NDUFAF6: variants seen among roughly 807,000 people sequenced by gnomAD.
The protein encoded by NDUFAF6 is NADH:ubiquinone oxidoreductase complex assembly factor 6.
Under a neutral mutation model 40.8 loss-of-function variants are expected in NDUFAF6, and 45 were observed. The ratio of observed to expected loss-of-function variants is 1.10; its 90% CI spans 0.87 to 1.42. The LOEUF is 1.42. Among genes scored for constraint, NDUFAF6 ranks in the 40% most tolerant of loss-of-function variants. The pLI is 0.00. For synonymous variants in NDUFAF6, 185 were observed against 155.9 expected (o/e 1.19, Z -1.39); for missense variants, 435 against 418.5 (o/e 1.04, Z -0.34).
chr8:94,966,403 G>C (rs1824016383), intron 1 of NDUFAF6, among the ~76,000 whole-genome samples: 1 of 152,086 alleles, frequency 6.6e-6, no homozygotes, highest in Non-Finnish European at 1.5e-5. Flanking sequence ...AGACCAGCCT[G>C]AGCTACATGG....
intron 2 of NDUFAF6, among the ~76,000 whole-genome samples, chr8:94,991,835 C>T (rs796296324): frequency 2.2e-5 from 3 of 134,348 alleles, no homozygotes; most frequent in South Asian, 2.8e-4. Flanking sequence ...GCACGAGATT[C>T]CATTGTGTGG....
rs1824631438 is a variant in NDUFAF6 at position 94,973,404 on chromosome 8, T to G, written c.-198-7455T>G. 4.6e-5 allele frequency among the ~76,000 whole-genome samples: 7 copies of G among 152,140 alleles called. No homozygotes were observed. The South Asian group carries it at 1.2e-3, about 27-fold the overall frequency. Reference sequence around the variant, plus strand: ...AGGACATAGTGAGAAGATGCCCAACTATGAATCAGAAAGTGACCTTTGGGC... The same window carrying G: ...AGGACATAGTGAGAAGATGCCCAACGATGAATCAGAAAGTGACCTTTGGGC... On this transcript the variant is annotated intron_variant, in intron 1 of 9. Coordinates refer to the NDUFAF6 transcript ENST00000396111.
chr8:94,935,128 T>TATAGGTAG (rs1820838881), intron 1 of NDUFAF6, among the ~76,000 whole-genome samples: 1 of 144,640 alleles, frequency 6.9e-6, no homozygotes, highest in South Asian at 2.3e-4. Flanking sequence ...GGTAGATAGA[T>TATAGGTAG]ATAGATAGAT....
At chr8:94,976,203 A>AC in intron 1 of NDUFAF6, among the ~76,000 whole-genome samples, 1 of 83,534 alleles carries the variant, frequency 1.2e-5, no homozygotes, top group East Asian at 3.4e-4. Flanking sequence ...TCAAAAAAAA[A>AC]AAAAAAATAC....
At chr8:95,082,097 T>G (rs1233574941) in intron 2 of NDUFAF6, among the ~76,000 whole-genome samples, 1 of 151,986 alleles carries the variant, frequency 6.6e-6, no homozygotes. Flanking sequence ...AAACTCCTGT[T>G]GTTAAAATCT....
chr8:95,085,851 C>T lies in NDUFAF6; in HGVS notation n.213+10099C>T, dbSNP rs185051752. 3.8e-4 allele frequency among the ~76,000 whole-genome samples: 58 copies of T among 152,202 alleles called. 1 individual carries two copies. Among genetic ancestry groups the T allele is most frequent in the Admixed American group, 3.7e-3 (57 of 15,288 alleles). ...CACATATCTGGTTCTGCAGGTTCTG[C>T]GGATTAGGGATGGGGCTTTATTAAT... On this transcript the variant is annotated intron_variant and non_coding_transcript_variant, in intron 2 of 5. Transcript: ENST00000523184.
intron 2 of NDUFAF6, among the ~76,000 whole-genome samples, chr8:95,015,219 C>T (rs916779490): frequency 5.3e-5 from 8 of 152,086 alleles, no homozygotes; most frequent in Non-Finnish European, 1.0e-4. Flanking sequence ...CAGTGTACAA[C>T]CTGAGAGGCC....
downstream of NDUFAF6, among the ~76,000 whole-genome samples, chr8:95,062,137 G>C (rs1356926146): frequency 1.3e-5 from 2 of 151,660 alleles, no homozygotes; most frequent in East Asian, 3.9e-4. Context: ...CTGCAGCCTG[G>C]GCGACAGAGA....
At chr8:95,093,394 C>G (rs1309826558) in intron 2 of NDUFAF6, among the ~76,000 whole-genome samples, 2 of 152,112 alleles carry the variant, frequency 1.3e-5, no homozygotes, top group East Asian at 1.9e-4. Context: ...TCTCATTGCC[C>G]CTTGAGCTAA....
chr8:95,066,382 T>C (rs1832705578), intron 9 of NDUFAF6, among the ~76,000 whole-genome samples: 1 of 149,862 alleles, frequency 6.7e-6, no homozygotes, highest in Non-Finnish European at 1.5e-5. Context: ...CTCAAAGTGC[T>C]GGCATTATGG....
At chr8:95,042,361 T>C (rs1372102796) in intron 4 of NDUFAF6, among the ~76,000 whole-genome samples, 1 of 152,232 alleles carries the variant, frequency 6.6e-6, no homozygotes, top group African/African-American at 2.4e-5. Flanking sequence ...ATTTAGATAG[T>C]TTGCTAACTA....
intron 2 of NDUFAF6, among the ~76,000 whole-genome samples, chr8:95,019,378 A>G (rs964055517): frequency 2.6e-5 from 4 of 152,230 alleles, no homozygotes; most frequent in Admixed American, 1.3e-4. Flanking sequence ...GTAATTAGAA[A>G]CAACTTGTGC....
At chr8:95,058,768 C>T (rs1587206777), downstream of NDUFAF6, 24 of 987,586 alleles carry the variant, frequency 2.4e-5, no homozygotes, top group Non-Finnish European at 2.9e-5. Flanking sequence ...GTGCTGTATA[C>T]TTGCATCAGT....
chr8:95,057,555 C>A (rs1247309176), intron 8 of NDUFAF6, among the ~76,000 whole-genome samples: 2 of 152,134 alleles, frequency 1.3e-5, no homozygotes, highest in Non-Finnish European at 2.9e-5. Flanking sequence ...TTTGTCTTAA[C>A]CAAAGCTTTT....
chr8:94,925,629 T>G (rs567921983), intron 1 of NDUFAF6, among the ~76,000 whole-genome samples: 1 of 145,618 alleles, frequency 6.9e-6, no homozygotes, highest in African/African-American at 2.6e-5. Flanking sequence ...AACCTCCGCC[T>G]CCCAGGTTCA....
At chr8:95,052,963 T>C (rs1467838405) in intron 8 of NDUFAF6, among the ~76,000 whole-genome samples, 1 of 152,248 alleles carries the variant, frequency 6.6e-6, no homozygotes, top group South Asian at 2.1e-4. Flanking sequence ...TTCCTAGTCT[T>C]CCTAGCAAAA....
intron 2 of NDUFAF6, among the ~76,000 whole-genome samples, chr8:95,007,671 T>G (rs1206059090): frequency 4.3e-4 from 64 of 150,230 alleles, no homozygotes; most frequent in African/African-American, 6.1e-4. Flanking sequence ...TTTTTTTTTT[T>G]TTTTTTTTTT....
Position 95,057,922 on chromosome 8 carries a change from G to A in NDUFAF6, c.987G>A (p.Trp329Ter). The change falls in exon 9 of 9, where the codon TGG (tryptophan) becomes TGA (stop). Residue 329 changes from tryptophan (W) to a stop codon, truncating the protein, a stop_gained. Transcript: ENST00000396124. LOFTEE classifies it high-confidence loss of function. Reference protein sequence around the residue: ...LLPLYLYIQSWRKTY With the variant: ...LLPLYLYIQS ...CATTATATTTGTATATTCAGTCATGGAGAAAAACATATTAAAATAATTTCA... is the reference window on the plus strand; with the variant it reads ...CATTATATTTGTATATTCAGTCATGAAGAAAAACATATTAAAATAATTTCA... 3 of 1,538,414 alleles carry A rather than the reference G, an allele frequency of 2.0e-6. No homozygotes were observed. The highest frequency in any genetic ancestry group is 2.7e-6 in the Non-Finnish European group (3 of 1,112,000).
At chr8:94,976,736 G>C (rs982166107) in intron 1 of NDUFAF6, among the ~76,000 whole-genome samples, 31 of 152,178 alleles carry the variant, frequency 2.0e-4, no homozygotes, top group African/African-American at 7.0e-4. Flanking sequence ...GAAGGAAAAG[G>C]GAAGTTGTTG....
Sources: gnomAD v4.1 joint callset for allele counts (sites outside exome capture counted in the v4.1 genomes callset) on GRCh38, gnomAD v4.1.1 for gene constraint, MANE v1.5 for transcripts, NCBI Gene and HGNC (gene_info 2026-07-23, HGNC 2026-07-21) for gene names.